Variants in CCDC68 observed in about 807,000 individuals in gnomAD.
The protein encoded by CCDC68 is coiled-coil domain-containing protein 68.
CCDC68 carries 45 observed loss-of-function variants against 47.1 expected under a neutral mutation model. That is an observed-to-expected ratio of 0.96 (90% CI 0.75 to 1.23). The LOEUF (loss-of-function observed/expected upper bound fraction) is 1.23. Among genes scored for constraint, CCDC68 ranks in the 50% most tolerant of loss-of-function variants. The pLI is 0.00. For synonymous variants in CCDC68, 131 were observed against 129.5 expected, an observed-to-expected ratio of 1.01 and a Z score of -0.08; for missense variants, 353 against 373.6, an observed-to-expected ratio of 0.94 and a Z score of 0.45.
intron 1 of CCDC68, among the ~76,000 whole-genome samples, chr18:54,953,873 C>A (rs2044662895): frequency 6.6e-6 from 1 of 152,014 alleles, no homozygotes. Context: ...TTTCTAGATG[C>A]ACAATATGTT....
At chr18:54,920,985 A>C (rs1306629689) in intron 8 of CCDC68, among the ~76,000 whole-genome samples, 2 of 152,254 alleles carry the variant, frequency 1.3e-5, no homozygotes, top group Non-Finnish European at 2.9e-5. Context: ...AAAATGTGTT[A>C]TATATACACC....
intron 10 of CCDC68, among the ~76,000 whole-genome samples, chr18:54,916,092 A>G (rs2043946773): frequency 6.6e-6 from 1 of 152,196 alleles, no homozygotes. Context: ...GACATGAATC[A>G]CATAATCTGA....
chr18:54,918,057 G>T, intron 9 of CCDC68, 61 bp from the exon 10 acceptor site: 2 of 693,778 alleles, frequency 2.9e-6, no homozygotes, highest in Non-Finnish European at 4.8e-6. Context: ...AGTTACTTAA[G>T]TCAGAAATTG....
At position 54,934,967 on chromosome 18, in the gene CCDC68, T is replaced by C; in HGVS notation, c.472-19A>G. On this transcript the variant is annotated intron_variant, in intron 6 of 11. Coordinates refer to ENST00000591504, the MANE Select transcript of CCDC68 (RefSeq NM_025214.3). ...TGTTAACCTATGGTCAGAGAATCAG[T>C]TGTGTTGTGAAAACTCTGTTTTTCT... is the stretch of plus-strand genomic sequence containing the variant. 1 of 1,552,720 alleles carries C rather than the reference T, an allele frequency of 6.4e-7. No homozygotes were observed.
At position 54,920,268 on chromosome 18, in the gene CCDC68, G is replaced by GT. The variant is rs1251076871; in HGVS notation, c.684-893dup. Among the ~76,000 whole-genome samples the GT allele has an allele frequency of 7.7e-3, 943 of 122,320 alleles. 10 individuals are homozygous for GT. Among genetic ancestry groups the GT allele is most frequent in the African/African-American group, 0.027 (888 of 32,470 alleles). 80.2% of individuals were successfully genotyped at this position (122,320 alleles called of 152,430 possible). ...TTTTTTTTTTTGTTGTTGTTGGTTTGTTTTTTTTCAGACGGAGTCTTACTC... is the reference window on the plus strand; with the variant it reads ...TTTTTTTTTTTGTTGTTGTTGGTTTGTTTTTTTTTCAGACGGAGTCTTACTC... On this transcript the variant is annotated intron_variant, in intron 8 of 11. Coordinates refer to ENST00000591504, the MANE Select transcript of CCDC68 (RefSeq NM_025214.3).
At chr18:54,904,714 C>T (rs1178991091) in intron 11 of CCDC68, among the ~76,000 whole-genome samples, 1 of 152,188 alleles carries the variant, frequency 6.6e-6, no homozygotes, top group Non-Finnish European at 1.5e-5. Context: ...CTGGTGAAGA[C>T]ATTCCCCAGA....
At chr18:54,955,573 A>G (rs2044698463) in intron 1 of CCDC68, among the ~76,000 whole-genome samples, 1 of 152,094 alleles carries the variant, frequency 6.6e-6, no homozygotes, top group Admixed American at 6.5e-5. Context: ...TGCATTTGCC[A>G]TAATAGTTAG....
At chr18:54,926,655 T>C (rs2044150298) in intron 8 of CCDC68, among the ~76,000 whole-genome samples, 1 of 152,210 alleles carries the variant, frequency 6.6e-6, no homozygotes, top group Non-Finnish European at 1.5e-5. Flanking sequence ...AAAATGGCTT[T>C]TTGCTAGTCG....
At position 54,934,906 on chromosome 18, in the gene CCDC68, C is replaced by T; in HGVS notation, c.514G>A (p.Glu172Lys). Residue 172 changes from glutamate (E) to lysine (K), a missense_variant, in exon 7 of 12, where the codon GAA (glutamate) becomes AAA (lysine). Physicochemically the swap from Glu to Lys is moderately conservative, Grantham distance 56 (BLOSUM62 1). Transcript: ENST00000591504. ...TTTTCAGCAACTTGATTCAGATTTT[C>T]AACATGTTGTTTCAATTTCTGTTCT... Reference protein sequence around the residue: ...EKEQKLKQHVENLNQVAEKLE... With the variant: ...EKEQKLKQHVKNLNQVAEKLE... 1 of 1,598,512 alleles carries T rather than the reference C, an allele frequency of 6.3e-7. No individual in the cohort carries two copies.
chr18:54,929,447 A>C (rs753214049), intron 7 of CCDC68, among the ~76,000 whole-genome samples: 11 of 152,244 alleles, frequency 7.2e-5, no homozygotes, highest in Non-Finnish European at 1.3e-4. Flanking sequence ...AATATCTTTT[A>C]AAAAGATGCC....
chr18:54,942,281 G>A (rs1291058935), intron 3 of CCDC68, among the ~76,000 whole-genome samples: 3 of 152,288 alleles, frequency 2.0e-5, no homozygotes, highest in South Asian at 4.1e-4. Context: ...AAGGTAACGA[G>A]AGGCACCAAC....
Position 54,943,194 on chromosome 18 carries a change from C to T in CCDC68, c.-12-391G>A, listed in dbSNP as rs74618143. On this transcript the variant is annotated intron_variant, in intron 2 of 11. Transcript: ENST00000591504. Reference sequence around the variant, plus strand: ...TTATAACAAAATTATGTTTTGTGTGCGTGTGTGTATCTTCATACATAGTCT... The same window carrying T: ...TTATAACAAAATTATGTTTTGTGTGTGTGTGTGTATCTTCATACATAGTCT... Among the ~76,000 whole-genome samples the T allele has an allele frequency of 3.3e-5, 5 of 152,014 alleles. No individual in the cohort carries two copies. In the East Asian group the frequency reaches 7.7e-4, roughly 23 times the overall value.
At chr18:54,922,265 A>C (rs1430646356) in intron 8 of CCDC68, among the ~76,000 whole-genome samples, 4 of 152,092 alleles carry the variant, frequency 2.6e-5, no homozygotes, top group African/African-American at 9.7e-5. Flanking sequence ...GCCACACCCT[A>C]AGGATGTTGC....
At chr18:54,933,593 A>G (rs1271511016) in intron 7 of CCDC68, among the ~76,000 whole-genome samples, 4 of 152,228 alleles carry the variant, frequency 2.6e-5, no homozygotes, top group African/African-American at 9.6e-5. Flanking sequence ...GCTATTTATT[A>G]TAGGATCAAG....
At chr18:54,905,832 C>A (rs143913211) in intron 11 of CCDC68, among the ~76,000 whole-genome samples, 1 of 152,114 alleles carries the variant, frequency 6.6e-6, no homozygotes, top group African/African-American at 2.4e-5. Context: ...TACAGCCACT[C>A]CCCATCGCTC....
intron 1 of CCDC68, among the ~76,000 whole-genome samples, chr18:54,958,388 C>G (rs1162760667): frequency 6.6e-6 from 1 of 152,194 alleles, no homozygotes; most frequent in African/African-American, 2.4e-5. Flanking sequence ...GAAAACCAGA[C>G]TTCAGTAGCT....
intron 8 of CCDC68, among the ~76,000 whole-genome samples, chr18:54,921,966 A>C (rs1239382008): frequency 1.3e-5 from 2 of 152,184 alleles, no homozygotes; most frequent in Non-Finnish European, 2.9e-5. Flanking sequence ...AAGTAAATAA[A>C]CAAGCAGTCC....
intron 10 of CCDC68, among the ~76,000 whole-genome samples, chr18:54,917,429 G>A (rs1038561557): frequency 2.0e-5 from 3 of 152,116 alleles, no homozygotes; most frequent in African/African-American, 7.2e-5. Flanking sequence ...AGCCCATATC[G>A]AGAGAAGTTA....
intron 11 of CCDC68, among the ~76,000 whole-genome samples, chr18:54,907,149 G>T (rs982473648): frequency 6.6e-6 from 1 of 152,026 alleles, no homozygotes; most frequent in Non-Finnish European, 1.5e-5. Flanking sequence ...AATTTCATGG[G>T]GTTTGTGGAA....
Sources: gnomAD v4.1 joint callset for allele counts (sites outside exome capture counted in the v4.1 genomes callset) on GRCh38, gnomAD v4.1.1 for gene constraint, MANE v1.5 for transcripts, NCBI Gene and HGNC (gene_info 2026-07-23, HGNC 2026-07-21) for gene names.